SGCZ: variants seen among roughly 807,000 people sequenced by gnomAD.
SGCZ encodes the protein sarcoglycan zeta.
SGCZ carries 40 observed loss-of-function variants against 41.3 expected under a neutral mutation model. The ratio of observed to expected loss-of-function variants is 0.97; its 90% CI spans 0.75 to 1.26. The LOEUF (loss-of-function observed/expected upper bound fraction) is 1.26. Among genes scored for constraint, SGCZ ranks in the 50% most tolerant of loss-of-function variants. The pLI, the probability that SGCZ is intolerant of heterozygous loss-of-function variation, is 0.00. For synonymous variants in SGCZ, 206 were observed against 137.5 expected (o/e 1.50, Z -3.49); for missense variants, 552 against 369.8 (o/e 1.49, Z -4.04).
intron 2 of SGCZ, among the ~76,000 whole-genome samples, chr8:14,433,064 A>G (rs1342422217): frequency 2.0e-5 from 3 of 152,124 alleles, no homozygotes; most frequent in Non-Finnish European, 2.9e-5. Context: ...AACAAAAAAT[A>G]TATGGCTTTC....
chr8:14,781,715 T>C (rs1212452911), intron 1 of SGCZ, among the ~76,000 whole-genome samples: 1 of 152,110 alleles, frequency 6.6e-6, no homozygotes, highest in Non-Finnish European at 1.5e-5. Context: ...AAATTGAAAA[T>C]ATCAATTTAA....
chr8:15,198,088 A>G (rs1383423165), intron 1 of SGCZ, among the ~76,000 whole-genome samples: 1 of 149,184 alleles, frequency 6.7e-6, no homozygotes, highest in East Asian at 1.9e-4. Context: ...TTTGATATGT[A>G]TTATGATTTA....
rs577833206 is a variant in SGCZ at position 14,841,725 on chromosome 8, T to C, written c.40-286799A>G. ...ACTGTCAGAAAGCACAAGTAATCAA[T>C]ATGTTTTCTTTAAAACTGACATAAA... On this transcript the variant is annotated intron_variant, in intron 1 of 7. Transcript: ENST00000382080. Among the ~76,000 whole-genome samples the C allele has an allele frequency of 2.6e-5, 4 of 152,294 alleles. No homozygotes were observed. In the East Asian group the frequency reaches 7.7e-4, roughly 29 times the overall value.
chr8:14,628,039 G>C (rs1585136856), intron 1 of SGCZ, among the ~76,000 whole-genome samples: 1 of 152,138 alleles, frequency 6.6e-6, no homozygotes, highest in African/African-American at 2.4e-5. Flanking sequence ...GTTAAGCATA[G>C]GCAGGCCTCA....
At chr8:14,152,266 A>G (rs1803733541) in intron 5 of SGCZ, among the ~76,000 whole-genome samples, 1 of 152,182 alleles carries the variant, frequency 6.6e-6, no homozygotes, top group African/African-American at 2.4e-5. Context: ...CAATTAGCAA[A>G]TGGGCAAAAG....
intron 3 of SGCZ, among the ~76,000 whole-genome samples, chr8:14,306,197 T>G (rs190444138): frequency 6.6e-6 from 1 of 152,192 alleles, no homozygotes; most frequent in African/African-American, 2.4e-5. Flanking sequence ...ATAACCATCA[T>G]GACAACAAAA....
chr8:14,320,110 T>A (rs894610971), intron 3 of SGCZ, among the ~76,000 whole-genome samples: 1 of 151,794 alleles, frequency 6.6e-6, no homozygotes. Context: ...TTAACAGTAT[T>A]TTTTTTTCTG....
intron 4 of SGCZ, among the ~76,000 whole-genome samples, chr8:14,217,764 C>A (rs1007281101): frequency 2.0e-5 from 3 of 150,320 alleles, no homozygotes; most frequent in Non-Finnish European, 4.4e-5. Flanking sequence ...AAAGTAGCTG[C>A]GATTACAGGT....
intron 4 of SGCZ, among the ~76,000 whole-genome samples, chr8:14,176,096 T>G (rs760959233): frequency 2.0e-5 from 3 of 152,148 alleles, no homozygotes; most frequent in Non-Finnish European, 2.9e-5. Context: ...TCCTGAATCT[T>G]AATAGGAGAT....
At chr8:14,102,555 A>C (rs1802066814) in intron 6 of SGCZ, 56 bp from the exon 7 acceptor site, 1 of 1,290,224 alleles carries the variant, frequency 7.8e-7, no homozygotes. Context: ...AAAATCATTA[A>C]TAGAAAAAAG....
intron 7 of SGCZ, among the ~76,000 whole-genome samples, chr8:14,100,425 C>A (rs1801978844): frequency 6.7e-6 from 1 of 150,230 alleles, no homozygotes; most frequent in African/African-American, 2.4e-5. Flanking sequence ...AAAAAGAATG[C>A]AAGATGTTTA....
At chr8:14,769,830 ACTT>A (rs1800176416) in intron 1 of SGCZ, among the ~76,000 whole-genome samples, 1 of 143,206 alleles carries the variant, frequency 7.0e-6, no homozygotes. Flanking sequence ...GCAACAAAAT[ACTT>A]CAATGGCTCC....
chr8:14,880,290 A>C (rs973097662), intron 1 of SGCZ, among the ~76,000 whole-genome samples: 2 of 152,214 alleles, frequency 1.3e-5, no homozygotes, highest in African/African-American at 4.8e-5. Context: ...GATCATTAAA[A>C]AGTCAAGAAA....
At chr8:14,174,124 T>C (rs997275481) in intron 4 of SGCZ, among the ~76,000 whole-genome samples, 1 of 152,222 alleles carries the variant, frequency 6.6e-6, no homozygotes, top group Admixed American at 6.5e-5. Flanking sequence ...ACAATTTTCA[T>C]ACTTAACTTA....
chr8:14,976,839 G>T (rs1379156574), intron 1 of SGCZ, among the ~76,000 whole-genome samples: 1 of 152,186 alleles, frequency 6.6e-6, no homozygotes, highest in African/African-American at 2.4e-5. Flanking sequence ...CCAAAAAAGT[G>T]TAGATAGGCC....
At chr8:14,973,287 G>T (rs13267348) in intron 1 of SGCZ, among the ~76,000 whole-genome samples, 56,539 of 151,884 alleles carry the variant, frequency 0.37, 11,119 homozygotes, top group South Asian at 0.42. Context: ...CCAGTCTTTG[G>T]CTGGGTGGGA....
At chr8:14,353,210 GTAT>G (rs1383674020) in intron 2 of SGCZ, among the ~76,000 whole-genome samples, 3 of 152,068 alleles carry the variant, frequency 2.0e-5, no homozygotes, top group African/African-American at 4.8e-5. Flanking sequence ...AAGATTATGA[GTAT>G]TATTATGAGC....
intron 2 of SGCZ, among the ~76,000 whole-genome samples, chr8:14,451,803 T>A (rs1158305329): frequency 1.3e-5 from 2 of 152,218 alleles, no homozygotes; most frequent in South Asian, 4.1e-4. Context: ...CTTATTAGAA[T>A]GGCCAAAGTC....
At chr8:14,762,994 T>A (rs1799938858) in intron 1 of SGCZ, among the ~76,000 whole-genome samples, 1 of 152,218 alleles carries the variant, frequency 6.6e-6, no homozygotes, top group South Asian at 2.1e-4. Context: ...TAAAGCAGAA[T>A]TAACATCTAA....
Sources: allele counts gnomAD v4.1 joint callset (sites outside exome capture counted in the v4.1 genomes callset), GRCh38; gene constraint gnomAD v4.1.1; transcripts MANE v1.5; gene names NCBI Gene and HGNC (gene_info 2026-07-23, HGNC 2026-07-21).